The following TMEM221 variants were observed in gnomAD, a reference collection of about 807,000 sequenced individuals.
The protein encoded by TMEM221 is Putative transmembrane protein ENSP00000342162.
TMEM221 carries 11 observed loss-of-function variants against 10.2 expected under a neutral mutation model. The observed-to-expected ratio is 1.08, with a 90% CI of 0.68 to 1.79. The LOEUF is 1.79. TMEM221 is among the 40% of genes most tolerant of loss of function. The probability of loss-of-function intolerance (pLI) is 0.00; values close to 1 mark genes in which losing one functional copy is unlikely to be tolerated. For missense variants in TMEM221, 382 were observed against 417.7 expected, an observed-to-expected ratio of 0.91 and a Z score of 0.75; for synonymous variants, 172 against 199.8, an observed-to-expected ratio of 0.86 and a Z score of 1.18.
intron 2 of TMEM221, among the ~76,000 whole-genome samples, chr19:17,437,550 A>T (rs1409957623): frequency 2.6e-5 from 4 of 152,196 alleles, no homozygotes; most frequent in Non-Finnish European, 5.9e-5. Flanking sequence ...CAACATGGTA[A>T]AACCCTGTCT....
intron 2 of TMEM221, 104 bp downstream of exon 2, chr19:17,445,095 T>G (rs2074947636): frequency 9.5e-7 from 1 of 1,047,530 alleles, no homozygotes; most frequent in South Asian, 1.4e-5. Context: ...AGCCTGGAGT[T>G]GAACTCAAGG....
intron 1 of TMEM221, among the ~76,000 whole-genome samples, 164 bp downstream of exon 1, chr19:17,447,979 G>A (rs2144507249): frequency 6.6e-6 from 1 of 152,302 alleles, no homozygotes; most frequent in South Asian, 2.1e-4. Flanking sequence ...GAAGGAGGGA[G>A]GAGGAGAGGA....
At chr19:17,437,546 G>A (rs2074914302) in intron 2 of TMEM221, among the ~76,000 whole-genome samples, 1 of 152,156 alleles carries the variant, frequency 6.6e-6, no homozygotes, top group South Asian at 2.1e-4. Flanking sequence ...TGTGCAACAT[G>A]GTAAAACCCT....
chr19:17,447,226 A>G (rs1179833524), intron 1 of TMEM221, among the ~76,000 whole-genome samples: 1 of 151,740 alleles, frequency 6.6e-6, no homozygotes, highest in Non-Finnish European at 1.5e-5. Flanking sequence ...TGTCTCAAAA[A>G]AAAAAAAAGA....
chr19:17,437,117 G>A (rs2074912910), intron 2 of TMEM221, among the ~76,000 whole-genome samples, 190 bp from the exon 3 acceptor site: 1 of 152,290 alleles, frequency 6.6e-6, no homozygotes, highest in Admixed American at 6.5e-5. Context: ...GAAGAAAGCT[G>A]GGGCCCAGAG....
chr19:17,437,186 C>G (rs911831111), intron 2 of TMEM221, among the ~76,000 whole-genome samples: 2 of 152,208 alleles, frequency 1.3e-5, no homozygotes, highest in African/African-American at 4.8e-5. Flanking sequence ...GGATTTTAAC[C>G]CAGGCTGGTG....
Position 17,448,346 on chromosome 19 carries a change from G to C in TMEM221, c.117C>G (p.Ala39=). Residue 39 remains alanine, a synonymous_variant, in exon 1 of 3, where the codon GCC becomes GCG. Transcript: ENST00000341130. The surrounding 1 kb of genome is among the most constrained non-coding windows in gnomAD (Gnocchi z 4.7). ...CCTCGGCGCGCAGCCCCCGCAGCTC[G>C]GCGCGGCCCGCCTGCAGCTGAAACA... The part of the protein sequence containing the change: ...QLLFQLQAGR[A]ELRGLRAEGL... 7.5e-7 allele frequency: 1 copy of C among 1,338,766 alleles called. No homozygotes were observed. Among genetic ancestry groups the C allele is most frequent in the Admixed American group, 3.6e-5 (1 of 28,136 alleles). 82.9% of individuals were successfully genotyped at this position (1,338,766 alleles called of 1,614,324 possible). A position where few individuals can be genotyped will look rare whatever the true frequency, so the allele number is the denominator to read the frequency against.
intron 1 of TMEM221, among the ~76,000 whole-genome samples, chr19:17,447,000 T>C (rs913377921): frequency 6.6e-6 from 1 of 151,668 alleles, no homozygotes; most frequent in Non-Finnish European, 1.5e-5. Context: ...GGTGGGTGGG[T>C]CATTTGAGGT....
At chr19:17,447,006 G>A (rs1210043150) in intron 1 of TMEM221, among the ~76,000 whole-genome samples, 1 of 152,036 alleles carries the variant, frequency 6.6e-6, no homozygotes, top group African/African-American at 2.4e-5. Context: ...TGGGTCATTT[G>A]AGGTCAGGAG....
Position 17,448,563 on chromosome 19 carries a change from A to C in TMEM221, c.-101T>G. On this transcript the variant is annotated 5_prime_UTR_variant, in exon 1 of 3. Transcript: ENST00000341130. The surrounding 1 kb of genome is among the most constrained non-coding windows in gnomAD (Gnocchi z 4.7). ...TCCGAGGGTCCTCAGGGGGTCCCCG[A>C]GGGGGCGGGGCCGCAGGGAGTGTCT... 15 of 648,520 alleles carry C rather than the reference A, an allele frequency of 2.3e-5. No individual in the cohort carries two copies. The highest frequency in any genetic ancestry group is 9.3e-5 in the East Asian group (1 of 10,746). The allele number at this position is 648,520 out of a possible 1,614,324, so 40.2% of individuals were successfully genotyped here. A position where few individuals can be genotyped will look rare whatever the true frequency, so the allele number is the denominator to read the frequency against.
At position 17,448,542 on chromosome 19, in the gene TMEM221, AGGGTCCTCAGG is replaced by A; in HGVS notation, c.-91_-81del. ...GGGCAGGGGAGTTGGGGGGAATCCG[AGGGTCCTCAGG>A]GGGTCCCCGAGGGGGCGGGGCCGCA... On this transcript the variant is annotated 5_prime_UTR_variant, in exon 1 of 3. Coordinates refer to ENST00000341130, the MANE Select transcript of TMEM221 (RefSeq NM_001190844.2). The surrounding 1 kb of genome is among the most constrained non-coding windows in gnomAD (Gnocchi z 4.7). 9.9e-7 allele frequency: 1 copy of A among 1,010,194 alleles called. No homozygotes were observed. The highest frequency in any genetic ancestry group is 1.3e-6 in the Non-Finnish European group (1 of 789,098). 62.6% of individuals were successfully genotyped at this position (1,010,194 alleles called of 1,614,324 possible).
In TMEM221 at chr19:17,436,928, C is replaced by G. The variant is rs1217757267; in HGVS notation, c.407-1G>C. The G allele has an allele frequency of 2.2e-6, 3 of 1,394,708 alleles. No individual in the cohort carries two copies. In the South Asian group the frequency reaches 5.1e-5, roughly 24 times the overall value. 86.4% of individuals were successfully genotyped at this position (1,394,708 alleles called of 1,614,324 possible). ...AGTAGCAAGGCATAGATGGACAGTGCTAGGGAAGGAAACGACTCTCATTTA... is the reference window on the plus strand; with the variant it reads ...AGTAGCAAGGCATAGATGGACAGTGGTAGGGAAGGAAACGACTCTCATTTA... On this transcript the variant is annotated splice_acceptor_variant, in intron 2 of 2. Coordinates refer to ENST00000341130, the MANE Select transcript of TMEM221 (RefSeq NM_001190844.2). LOFTEE classifies it high-confidence loss of function.
rs545203736 is a variant in TMEM221, at chr19:17,444,255, G to T, written c.406+944C>A. 6.0e-5 allele frequency among the ~76,000 whole-genome samples: 9 copies of T among 151,062 alleles called. No individual in the cohort carries two copies. The South Asian group carries it at 1.7e-3, about 28-fold the overall frequency. ...ACCACCATGCCCGGCTAATTTTTTT[G>T]TATTTTTAGTAGAGATGGGGTTTCA... On this transcript the variant is annotated intron_variant, in intron 2 of 2. Transcript: ENST00000341130.
intron 2 of TMEM221, among the ~76,000 whole-genome samples, chr19:17,439,137 G>A (rs2074921547): frequency 6.6e-6 from 1 of 151,246 alleles, no homozygotes; most frequent in Admixed American, 6.6e-5. Flanking sequence ...AACCTGGGAG[G>A]CGGAGCTTGC....
chr19:17,443,206 A>C (rs2074938694), intron 2 of TMEM221, among the ~76,000 whole-genome samples: 2 of 151,528 alleles, frequency 1.3e-5, no homozygotes, highest in Non-Finnish European at 1.5e-5. Flanking sequence ...GCATGAACCC[A>C]GGAGGCGGAG....
chr19:17,440,351 C>A (rs1049606201), intron 2 of TMEM221, among the ~76,000 whole-genome samples: 1 of 151,484 alleles, frequency 6.6e-6, no homozygotes, highest in Non-Finnish European at 1.5e-5. Flanking sequence ...CTCAGCCTCC[C>A]GAGTAGCTGG....
rs2074910243 is a variant in TMEM221 at position 17,436,694 on chromosome 19, T to C, written c.640A>G (p.Ile214Val). 3 of 1,534,462 alleles carry C rather than the reference T, an allele frequency of 2.0e-6. No homozygotes were observed. Among genetic ancestry groups the C allele is most frequent in the Non-Finnish European group, 2.6e-6 (3 of 1,145,864 alleles). Reference protein sequence around the residue: ...ASPRAQPQQGIHRRTPYSTCP... With the variant: ...ASPRAQPQQGVHRRTPYSTCP... ...GTTGAATAGGGGGTCCGACGATGGA[T>C]ACCCTGCTGAGGCTGAGCTCTGGGG... Residue 214 changes from isoleucine (I) to valine (V), a missense_variant, in exon 3 of 3, where the codon ATC (isoleucine) becomes GTC (valine). Physicochemically the swap from Ile to Val is conservative, Grantham distance 29 (BLOSUM62 3). Transcript: ENST00000341130.
intron 2 of TMEM221, among the ~76,000 whole-genome samples, chr19:17,440,715 AAACACCCCCAGC>A (rs948001636): frequency 6.6e-6 from 1 of 152,014 alleles, no homozygotes; most frequent in African/African-American, 2.4e-5. Flanking sequence ...ACAAAACCAG[AAACACCCCCAGC>A]AACTCAGCTC....
chr19:17,448,027 G>C lies in TMEM221; in HGVS notation c.320+116C>G. 2 of 792,944 alleles carry C rather than the reference G, an allele frequency of 2.5e-6. No homozygotes were observed. The highest frequency in any genetic ancestry group is 3.4e-6 in the Non-Finnish European group (2 of 587,140). The allele number at this position is 792,944 out of a possible 1,614,324, so 49.1% of individuals were successfully genotyped here. On this transcript the variant is annotated intron_variant, in intron 1 of 2. Transcript: ENST00000341130. This position sits in a 1 kb window ranked among gnomAD's most constrained non-coding sequence, Gnocchi z 4.7. ...AGAGAGACATGGAGTGGTGGGGAGA[G>C]GGAAGTGGGGAGGGAAGCTGTCCCC... is the stretch of plus-strand genomic sequence containing the variant.
Sources: allele counts gnomAD v4.1 joint callset (sites outside exome capture counted in the v4.1 genomes callset), GRCh38; gene constraint gnomAD v4.1.1; non-coding constraint Gnocchi (gnomAD v3.1); transcripts MANE v1.5; gene names NCBI Gene and HGNC (gene_info 2026-07-23, HGNC 2026-07-21).